The following THRB variants were observed in gnomAD, a reference collection of about 807,000 sequenced individuals.
THRB encodes the protein thyroid hormone receptor beta.
THRB carries 12 observed loss-of-function variants against 47.8 expected under a neutral mutation model. The ratio of observed to expected loss-of-function variants is 0.25; its 90% CI spans 0.16 to 0.41. The LOEUF is 0.41. Among genes scored for constraint, THRB ranks in the 10% least tolerant of loss-of-function variants. The probability of loss-of-function intolerance (pLI) is 1.00; values close to 1 mark genes in which losing one functional copy is unlikely to be tolerated. For missense variants in THRB, 348 were observed against 589.2 expected (o/e 0.59, Z 4.24); for synonymous variants, 218 against 212.2 (o/e 1.03, Z -0.24).
chr3:24,189,414 C>T (rs2043049616), intron 5 of THRB, among the ~76,000 whole-genome samples: 1 of 152,072 alleles, frequency 6.6e-6, no homozygotes, highest in African/African-American at 2.4e-5. Context: ...TTTGGGGAGC[C>T]CTAAGACAAT....
In THRB at chr3:24,272,368, CAACA is replaced by C. The variant is rs1374838507; in HGVS notation, c.-43+24854_-43+24857del. Among the ~76,000 whole-genome samples, 964 of 151,386 alleles carry C rather than the reference CAACA, an allele frequency of 6.4e-3. 12 individuals carry two copies. Among genetic ancestry groups the C allele is most frequent in the African/African-American group, 0.022 (918 of 41,280 alleles). ...CTCAAAACAACAACAACAACAACAA[CAACA>C]AACAAAAACAAACAAACAAACAAAA... On this transcript the variant is annotated intron_variant, in intron 3 of 10. Coordinates refer to ENST00000646209, the MANE Select transcript of THRB (RefSeq NM_001354712.2).
chr3:24,303,039 AC>A (rs2057065746), intron 2 of THRB, among the ~76,000 whole-genome samples: 1 of 152,158 alleles, frequency 6.6e-6, no homozygotes, highest in Non-Finnish European at 1.5e-5. Context: ...CACATCATCA[AC>A]AAAAAAGGTA....
intron 2 of THRB, among the ~76,000 whole-genome samples, chr3:24,309,825 T>C (rs749450669): frequency 1.3e-5 from 2 of 152,146 alleles, no homozygotes; most frequent in Admixed American, 1.3e-4. Flanking sequence ...AATAGAACTT[T>C]GATATAAACT....
At chr3:24,208,343 A>G (rs143937546) in intron 4 of THRB, among the ~76,000 whole-genome samples, 61,119 of 151,920 alleles carry the variant, frequency 0.4, 12,500 homozygotes, top group Non-Finnish European at 0.44. Context: ...AATTGGAAAA[A>G]ACTACTTTAA....
intron 9 of THRB, among the ~76,000 whole-genome samples, chr3:24,132,713 G>A (rs1231720211): frequency 6.6e-6 from 1 of 152,216 alleles, no homozygotes; most frequent in Non-Finnish European, 1.5e-5. Context: ...CTGAAGATGG[G>A]ACAAGCAAGA....
chr3:24,386,516 C>T (rs1428292267), intron 1 of THRB, among the ~76,000 whole-genome samples: 2 of 152,104 alleles, frequency 1.3e-5, no homozygotes, highest in African/African-American at 4.8e-5. Flanking sequence ...TGCAAGGAAA[C>T]TACGGTCTAA....
At chr3:24,146,872 T>G in intron 6 of THRB, 50 bp from the exon 7 acceptor site, 1 of 1,577,928 alleles carries the variant, frequency 6.3e-7, no homozygotes, top group African/African-American at 1.3e-5. Context: ...TTTCTTGAAA[T>G]CAGTGATTCT....
At chr3:24,355,782 T>A (rs1408461807) in intron 1 of THRB, among the ~76,000 whole-genome samples, 4 of 152,130 alleles carry the variant, frequency 2.6e-5, no homozygotes, top group African/African-American at 9.7e-5. Flanking sequence ...TAAAAACACA[T>A]GGCAGGGTCA....
At chr3:24,179,902 C>T (rs75374124) in intron 5 of THRB, among the ~76,000 whole-genome samples, 65 of 152,104 alleles carry the variant, frequency 4.3e-4, no homozygotes, top group African/African-American at 1.3e-3. Context: ...ATAGAATGAT[C>T]GCTTCAAAGG....
At chr3:24,384,994 C>T (rs549153905) in intron 1 of THRB, among the ~76,000 whole-genome samples, 4 of 152,100 alleles carry the variant, frequency 2.6e-5, no homozygotes, top group African/African-American at 9.6e-5. Context: ...TATACTACTT[C>T]AATTAAAACA....
At position 24,323,090 on chromosome 3, in the gene THRB, G is replaced by A. The variant is rs529598925; in HGVS notation, c.-189+14210C>T. ...AGCAGAAGGCCTATTGGTGTTTAGG[G>A]TTTCCATAAAGTGATGTCATTCCGT... On this transcript the variant is annotated intron_variant, in intron 2 of 10. Transcript: ENST00000646209. Among the ~76,000 whole-genome samples, 5 of 152,288 alleles carry A rather than the reference G, an allele frequency of 3.3e-5. No individual in the cohort carries two copies. In the South Asian group the frequency reaches 1.0e-3, roughly 32 times the overall value.
intron 3 of THRB, among the ~76,000 whole-genome samples, chr3:24,291,063 C>T (rs2055870548): frequency 6.6e-6 from 1 of 152,160 alleles, no homozygotes; most frequent in African/African-American, 2.4e-5. Context: ...TCCCATTTTC[C>T]TTAATGTACC....
At chr3:24,349,837 A>C (rs2063256057) in intron 1 of THRB, among the ~76,000 whole-genome samples, 1 of 152,088 alleles carries the variant, frequency 6.6e-6, no homozygotes, top group Non-Finnish European at 1.5e-5. Context: ...GGAAAAAAGA[A>C]ATAAGTAAAC....
chr3:24,291,780 TCAA>T (rs747566383), intron 3 of THRB, among the ~76,000 whole-genome samples: 12 of 152,254 alleles, frequency 7.9e-5, no homozygotes, highest in Admixed American at 6.5e-4. Flanking sequence ...TTGCACATTG[TCAA>T]CAAGACTGCA....
At chr3:24,144,233 A>G (rs1040082704) in intron 7 of THRB, 2 of 174,628 alleles carry the variant, frequency 1.1e-5, no homozygotes, top group Middle Eastern at 3.0e-3. Context: ...AAGGACCCCA[A>G]CTCTTCATGG....
chr3:24,284,321 G>A lies in THRB; in HGVS notation c.-43+12905C>T, dbSNP rs2054990976. On this transcript the variant is annotated intron_variant, in intron 3 of 10. Coordinates refer to ENST00000646209, the MANE Select transcript of THRB (RefSeq NM_001354712.2). The stretch of plus-strand genomic sequence containing the variant: ...TCTTTGACAAACCTGAGAAAAACAA[G>A]CAATGGGGAAAGGATTCCCTATTTA... 2.6e-5 allele frequency among the ~76,000 whole-genome samples: 4 copies of A among 151,722 alleles called. No homozygotes were observed. The South Asian group carries it at 6.3e-4, about 24-fold the overall frequency.
chr3:24,331,605 T>C (rs2061934042), intron 2 of THRB, among the ~76,000 whole-genome samples: 1 of 152,160 alleles, frequency 6.6e-6, no homozygotes, highest in Non-Finnish European at 1.5e-5. Context: ...TGTTTTTGTT[T>C]TATGTATGCA....
At chr3:24,259,842 AATAG>A (rs1559758510) in intron 3 of THRB, among the ~76,000 whole-genome samples, 1 of 152,032 alleles carries the variant, frequency 6.6e-6, no homozygotes, top group Non-Finnish European at 1.5e-5. Flanking sequence ...CATCTATACA[AATAG>A]ATTAATTAAA....
In THRB at chr3:24,156,637, ATGTTGC is replaced by A. The variant is rs146793400; in HGVS notation, c.284-4153_284-4148del. 2.9e-3 allele frequency among the ~76,000 whole-genome samples: 438 copies of A among 152,332 alleles called. 4 individuals are homozygous for A. The highest frequency in any genetic ancestry group is 2.6e-3 in the Non-Finnish European group (175 of 68,034). ...TAGCTCAGAGAAGTGAAGAAGTTCC[ATGTTGC>A]TGATTCATCTTGTAGAGCTATCAAC... On this transcript the variant is annotated intron_variant, in intron 5 of 10. Transcript: ENST00000646209.
Sources: gnomAD v4.1 joint callset for allele counts (sites outside exome capture counted in the v4.1 genomes callset) on GRCh38, gnomAD v4.1.1 for gene constraint, MANE v1.5 for transcripts, NCBI Gene and HGNC (gene_info 2026-07-23, HGNC 2026-07-21) for gene names.